Variants in CFAP58 observed in about 807,000 individuals in gnomAD.
CFAP58 encodes cilia- and flagella-associated protein 58.
CFAP58 carries 88 observed loss-of-function variants against 119.5 expected under a neutral mutation model. The observed-to-expected ratio is 0.74, with a 90% confidence interval of 0.62 to 0.88. The LOEUF (loss-of-function observed/expected upper bound fraction) is 0.88, where lower values mean the gene tolerates loss of function less well. Ranked by LOEUF, CFAP58 falls within the 40% of genes least tolerant of loss-of-function variation. The pLI is 0.00. For missense variants in CFAP58, 990 were observed against 1,021.2 expected (o/e 0.97, Z 0.42); for synonymous variants, 365 against 366.3 (o/e 1.00, Z 0.04).
chr10:104,387,417 A>G (rs1250558971), intron 9 of CFAP58, among the ~76,000 whole-genome samples: 2 of 152,202 alleles, frequency 1.3e-5, no homozygotes, highest in Non-Finnish European at 2.9e-5. Context: ...ATGTCTCTCT[A>G]CTTGTCTGAT....
At chr10:104,380,486 C>G (rs2011769496) in intron 9 of CFAP58, among the ~76,000 whole-genome samples, 1 of 152,178 alleles carries the variant, frequency 6.6e-6, no homozygotes, top group African/African-American at 2.4e-5. Flanking sequence ...TCCCTCTTCT[C>G]TGTTGCCATG....
chr10:104,415,079 A>G (rs2012527820), intron 15 of CFAP58, among the ~76,000 whole-genome samples: 1 of 152,152 alleles, frequency 6.6e-6, no homozygotes, highest in South Asian at 2.1e-4. Context: ...AGGACCTCTT[A>G]GCTCTGCAAC....
intron 4 of CFAP58, 25 bp from the exon 5 acceptor site, chr10:104,365,785 TTCTC>T (rs770076758): frequency 1.3e-5 from 20 of 1,575,334 alleles, no homozygotes; most frequent in Admixed American, 7.4e-5. Flanking sequence ...GCTCATCTCT[TTCTC>T]TCTTGTCCTT....
Position 104,403,746 on chromosome 10 carries a change from T to C in CFAP58, c.2057T>C (p.Met686Thr), listed in dbSNP as rs776020889. ...TTATTCAGACAGGAGTTTTTTCACA[T>C]GCAAAGAGAATTGTTGAAGGAGAGG... ...VEELRQEFFH[M>T]QRELLKERTR... The change falls in exon 14 of 18, where the codon ATG (methionine) becomes ACG (threonine). Residue 686 changes from methionine (M) to threonine (T), a missense_variant. By Grantham distance (81) the Met-to-Thr change is moderately conservative (BLOSUM62 -1). Transcript: ENST00000369704. 27 of 1,610,496 alleles carry C rather than the reference T, an allele frequency of 1.7e-5. No individual in the cohort carries two copies. The highest frequency in any genetic ancestry group is 2.2e-5 in the East Asian group (1 of 44,850).
At chr10:104,364,313 C>T (rs946563627) in intron 3 of CFAP58, among the ~76,000 whole-genome samples, 2 of 151,858 alleles carry the variant, frequency 1.3e-5, no homozygotes, top group African/African-American at 4.8e-5. Flanking sequence ...CTTATCATAA[C>T]AAATTCAAGT....
chr10:104,405,250 A>C (rs1353534135), intron 14 of CFAP58, among the ~76,000 whole-genome samples: 15 of 152,224 alleles, frequency 9.9e-5, no homozygotes, highest in Non-Finnish European at 1.5e-5. Context: ...AGTCAATAGC[A>C]TCTCTCTTTT....
intron 7 of CFAP58, among the ~76,000 whole-genome samples, chr10:104,374,865 AAAG>A (rs1033339016): frequency 6.6e-6 from 1 of 151,780 alleles, no homozygotes; most frequent in African/African-American, 2.4e-5. Context: ...AAAAAAAGAA[AAAG>A]AAGCAACTTA....
intron 9 of CFAP58, among the ~76,000 whole-genome samples, chr10:104,388,066 A>G (rs1981101): frequency 0.22 from 33,402 of 152,142 alleles, 3,723 homozygotes; most frequent in Middle Eastern, 0.35. Context: ...CTCCTGTTTC[A>G]TTGATGTTAA....
chr10:104,384,333 A>G lies in CFAP58; in HGVS notation c.1365+4113A>G, dbSNP rs2011879890. On this transcript the variant is annotated intron_variant, in intron 9 of 17. Transcript: ENST00000369704. ...GGCATGTCACTGTGTTTCCAGCTGT[A>G]GATTTGAAAGTGGATCTGCCACCAC... Among the ~76,000 whole-genome samples, 4 of 152,350 alleles carry G rather than the reference A, an allele frequency of 2.6e-5. No individual in the cohort carries two copies. The South Asian group carries it at 8.3e-4, about 32-fold the overall frequency.
chr10:104,349,620 T>C (rs2014436721), upstream of CFAP58, among the ~76,000 whole-genome samples: 1 of 152,128 alleles, frequency 6.6e-6, no homozygotes, highest in South Asian at 2.1e-4. Context: ...CTAACACCAG[T>C]GGAGACAGGG....
intron 15 of CFAP58, among the ~76,000 whole-genome samples, chr10:104,422,593 AT>A (rs1321336893): frequency 6.6e-6 from 1 of 152,096 alleles, no homozygotes; most frequent in East Asian, 1.9e-4. Flanking sequence ...AAGCTGGTTC[AT>A]TTGGGTGGGA....
chr10:104,388,264 G>A (rs771899978), intron 9 of CFAP58, among the ~76,000 whole-genome samples: 10 of 152,254 alleles, frequency 6.6e-5, no homozygotes, highest in African/African-American at 1.4e-4. Context: ...ATTATGTAAC[G>A]TGACGTAGTG....
intron 6 of CFAP58, 101 bp downstream of exon 6, chr10:104,368,661 C>T (rs574688999): frequency 1.6e-6 from 2 of 1,278,128 alleles, no homozygotes; most frequent in Non-Finnish European, 2.2e-6. Context: ...GTTGGCTCTA[C>T]TGAGTACATT....
chr10:104,440,277 G>T (rs2013016206), intron 15 of CFAP58, among the ~76,000 whole-genome samples: 1 of 151,614 alleles, frequency 6.6e-6, no homozygotes, highest in Non-Finnish European at 1.5e-5. Context: ...TCTATTTTTT[G>T]CATCTGAAGG....
Position 104,368,110 on chromosome 10 carries a change from C to T in CFAP58, c.793-313C>T, listed in dbSNP as rs372279519. On this transcript the variant is annotated intron_variant, in intron 5 of 17. Coordinates refer to ENST00000369704, the MANE Select transcript of CFAP58 (RefSeq NM_001008723.2). ...ATGATTATAGCAATTGTTGCATATGCGAAGCCTGCCAAATGGCAAACAGGC... is the reference window on the plus strand; with the variant it reads ...ATGATTATAGCAATTGTTGCATATGTGAAGCCTGCCAAATGGCAAACAGGC... Among the ~76,000 whole-genome samples, 99 of 152,346 alleles carry T rather than the reference C, an allele frequency of 6.5e-4. 1 individual carries two copies. The highest frequency in any genetic ancestry group is 2.3e-3 in the African/African-American group (95 of 41,584).
intron 15 of CFAP58, among the ~76,000 whole-genome samples, chr10:104,411,462 G>C (rs1343464370): frequency 5.3e-5 from 8 of 151,960 alleles, no homozygotes; most frequent in Admixed American, 2.0e-4. Context: ...GGGTTTTCCT[G>C]TTTGTTGTGA....
chr10:104,376,517 A>AG (rs1564884172), intron 7 of CFAP58, among the ~76,000 whole-genome samples: 1 of 150,998 alleles, frequency 6.6e-6, no homozygotes, highest in African/African-American at 2.5e-5. Context: ...AAAAAAAAAA[A>AG]AAAAGAAAAA....
intron 14 of CFAP58, among the ~76,000 whole-genome samples, chr10:104,404,541 T>C (rs1237254045): frequency 6.6e-6 from 1 of 152,172 alleles, no homozygotes; most frequent in Non-Finnish European, 1.5e-5. Flanking sequence ...TTGGGAGATG[T>C]AAGTATGTCA....
At chr10:104,370,018 T>C (rs1239308695) in intron 6 of CFAP58, among the ~76,000 whole-genome samples, 3 of 152,204 alleles carry the variant, frequency 2.0e-5, no homozygotes, top group Non-Finnish European at 2.9e-5. Context: ...AAATATCTGG[T>C]CCACTTATCC....
Sources: gnomAD v4.1 joint callset for allele counts (sites outside exome capture counted in the v4.1 genomes callset) on GRCh38, gnomAD v4.1.1 for gene constraint, MANE v1.5 for transcripts, NCBI Gene and HGNC (gene_info 2026-07-23, HGNC 2026-07-21) for gene names.